Variants in CD8B2 observed in about 807,000 individuals in gnomAD.
CD8B2 encodes T-cell surface glycoprotein CD8 beta-2 chain.
A neutral mutation model predicts 23.7 loss-of-function variants in CD8B2; 11 were observed. The ratio of observed to expected loss-of-function variants is 0.46; its 90% CI spans 0.29 to 0.77. The LOEUF (loss-of-function observed/expected upper bound fraction) is 0.77. Among genes scored for constraint, CD8B2 ranks in the 30% least tolerant of loss-of-function variants. The pLI, the probability that CD8B2 is intolerant of heterozygous loss-of-function variation, is 0.09. For synonymous variants in CD8B2, 90 were observed against 109.3 expected, an observed-to-expected ratio of 0.82 and a Z score of 1.10; for missense variants, 197 against 270.5, an observed-to-expected ratio of 0.73 and a Z score of 1.91.
At chr2:106,536,030 C>CTTTTTTTT (rs869103310) in intron 5 of CD8B2, among the ~76,000 whole-genome samples, 70 of 123,882 alleles carry the variant, frequency 5.7e-4, no homozygotes, top group African/African-American at 2.0e-3. Context: ...GCCACACACA[C>CTTTTTTTT]TTTTTTTTTT....
At chr2:106,506,889 C>T in intron 5 of CD8B2, 39 bp from the exon 6 acceptor site, 2 of 1,591,836 alleles carry the variant, frequency 1.3e-6, no homozygotes, top group Non-Finnish European at 1.7e-6. Context: ...TATCGTTTGC[C>T]TGAAAATAAG....
At chr2:106,529,772 CA>C (rs1204424984) in intron 5 of CD8B2, among the ~76,000 whole-genome samples, 2 of 152,136 alleles carry the variant, frequency 1.3e-5, no homozygotes, top group Non-Finnish European at 2.9e-5. Context: ...TGAACAGGCT[CA>C]AAAGAAGATT....
chr2:106,501,667 G>A (rs1374710752), intron 3 of CD8B2, among the ~76,000 whole-genome samples: 2 of 152,268 alleles, frequency 1.3e-5, no homozygotes, highest in South Asian at 2.1e-4. Context: ...GGGCGACAGA[G>A]CGAGACTCTG....
At chr2:106,488,686 G>A (rs1344639233) in intron 1 of CD8B2, among the ~76,000 whole-genome samples, 2 of 152,204 alleles carry the variant, frequency 1.3e-5, no homozygotes, top group Non-Finnish European at 2.9e-5. Context: ...CTGGATCACT[G>A]TGTGACCTTG....
At position 106,496,158 on chromosome 2, in the gene CD8B2, G is replaced by T. The variant is rs1428609457; in HGVS notation, c.404-15G>T. On this transcript the variant is annotated splice_polypyrimidine_tract_variant and intron_variant, in intron 2 of 5. Transcript: ENST00000643224. The stretch of plus-strand genomic sequence containing the variant: ...TTCACTTGGCTAAGATATGTGTCTT[G>T]CTTTCTTTCTGTAGTTGATTTCCTT... 5.6e-5 allele frequency: 87 copies of T among 1,541,782 alleles called. No homozygotes were observed. The highest frequency in any genetic ancestry group is 6.8e-5 in the Non-Finnish European group (77 of 1,140,310).
chr2:106,519,393 T>C (rs1679783877), intron 5 of CD8B2, among the ~76,000 whole-genome samples: 1 of 152,222 alleles, frequency 6.6e-6, no homozygotes, highest in Admixed American at 6.5e-5. Flanking sequence ...CTTCTGAGTC[T>C]CAAACATTGG....
chr2:106,500,564 T>TAAATAAA (rs1194192057), intron 3 of CD8B2, among the ~76,000 whole-genome samples: 26 of 101,724 alleles, frequency 2.6e-4, no homozygotes, highest in Non-Finnish European at 5.3e-4. Flanking sequence ...AAATAAATAA[T>TAAATAAA]TAAAAAATAC....
At chr2:106,530,290 T>G (rs952356560) in intron 5 of CD8B2, among the ~76,000 whole-genome samples, 2 of 151,810 alleles carry the variant, frequency 1.3e-5, no homozygotes, top group African/African-American at 4.8e-5. Context: ...GCCTTGACAA[T>G]GAGCTACTTT....
chr2:106,538,450 T>G (rs1680124008), intron 5 of CD8B2, among the ~76,000 whole-genome samples: 1 of 152,212 alleles, frequency 6.6e-6, no homozygotes, highest in Admixed American at 6.5e-5. Context: ...TCATAAGATC[T>G]TAGGACTTGA....
intron 5 of CD8B2, among the ~76,000 whole-genome samples, chr2:106,538,401 G>T (rs546376478): frequency 6.6e-6 from 1 of 152,170 alleles, no homozygotes; most frequent in African/African-American, 2.4e-5. Flanking sequence ...CTCTTTACTT[G>T]TTCTTAAAAT....
chr2:106,533,714 C>T (rs1403478613), intron 5 of CD8B2, among the ~76,000 whole-genome samples: 2 of 152,142 alleles, frequency 1.3e-5, no homozygotes, highest in Admixed American at 1.3e-4. Context: ...GAAATGGAGA[C>T]CTTTTAGTTG....
rs1417072932 is a variant in CD8B2, at chr2:106,508,468, G to A, written c.*1528G>A. The A allele has an allele frequency of 3.9e-5, 6 of 152,120 alleles. No homozygotes were observed. Among genetic ancestry groups the A allele is most frequent in the Non-Finnish European group, 5.9e-5 (4 of 67,996 alleles). The allele number at this position is 152,120 out of a possible 1,614,324, so 9.4% of individuals were successfully genotyped here. On this transcript the variant is annotated 3_prime_UTR_variant, in exon 6 of 6. Transcript: ENST00000643224. ...AGAAAGGCATAGATGCAGTGTTACC[G>A]GAAGGAGGGCCTTGAGTGTAAGTTG...
chr2:106,487,450 C>G lies in CD8B2; in HGVS notation c.24C>G (p.Leu8=). The change falls in exon 1 of 6, where the codon CTC becomes CTG. Residue 8 remains leucine (L), a synonymous_variant. Coordinates refer to ENST00000643224, the MANE Select transcript of CD8B2 (RefSeq NM_001349727.2). ...CGATGCGGCCGCGGCTGTGGCTCCT[C>G]CTGGCCGCGCAGCTGACAGGTAAGG... is the stretch of plus-strand genomic sequence containing the variant. MRPRLWL[L]LAAQLTVLHG... The G allele has an allele frequency of 4.0e-6, 5 of 1,249,480 alleles. No homozygotes were observed. The highest frequency in any genetic ancestry group is 5.0e-6 in the Non-Finnish European group (5 of 998,766). 77.4% of individuals were successfully genotyped at this position (1,249,480 alleles called of 1,614,324 possible).
At chr2:106,524,760 T>A (rs1218965440) in intron 5 of CD8B2, among the ~76,000 whole-genome samples, 1 of 152,182 alleles carries the variant, frequency 6.6e-6, no homozygotes, top group Admixed American at 6.5e-5. Flanking sequence ...CTGCGCATTG[T>A]TATTTTTATT....
chr2:106,532,242 G>A (rs1361642605), intron 5 of CD8B2, among the ~76,000 whole-genome samples: 1 of 152,208 alleles, frequency 6.6e-6, no homozygotes, highest in African/African-American at 2.4e-5. Context: ...AGGATTCAAT[G>A]GCCATGACCT....
downstream of CD8B2, among the ~76,000 whole-genome samples, chr2:106,511,531 C>T (rs1679631378): frequency 1.3e-5 from 2 of 149,502 alleles, no homozygotes; most frequent in Admixed American, 1.4e-4. Flanking sequence ...GGGGGTCCTA[C>T]ACCACCCCCT....
rs1679547229 is a variant in CD8B2, at chr2:106,508,047, A to G, written c.*1107A>G. ...TTAGCCTTGACAGTTGGAGAAGGAA[A>G]AAGCAAGGAGAAAGTGCTGAGCAGG... On this transcript the variant is annotated 3_prime_UTR_variant, in exon 6 of 6. Coordinates refer to ENST00000643224, the MANE Select transcript of CD8B2 (RefSeq NM_001349727.2). The G allele has an allele frequency of 6.7e-6, 1 of 149,498 alleles. No individual in the cohort carries two copies. The highest frequency in any genetic ancestry group is 1.5e-5 in the Non-Finnish European group (1 of 67,474). The allele number at this position is 149,498 out of a possible 1,614,324, so 9.3% of individuals were successfully genotyped here. A position where few individuals can be genotyped will look rare whatever the true frequency, so the allele number is the denominator to read the frequency against.
At chr2:106,515,787 T>C (rs1679720666), downstream of CD8B2, among the ~76,000 whole-genome samples, 1 of 151,660 alleles carries the variant, frequency 6.6e-6, no homozygotes, top group Non-Finnish European at 1.5e-5. Flanking sequence ...TCTGAACACA[T>C]CTCCTTCCAG....
chr2:106,532,998 A>C (rs1258665992), intron 5 of CD8B2, among the ~76,000 whole-genome samples: 3 of 152,206 alleles, frequency 2.0e-5, no homozygotes, highest in African/African-American at 7.2e-5. Context: ...CCAGAGAATA[A>C]GCTGCTGAAC....
Sources: gnomAD v4.1 joint callset for allele counts (sites outside exome capture counted in the v4.1 genomes callset) on GRCh38, gnomAD v4.1.1 for gene constraint, MANE v1.5 for transcripts, NCBI Gene and HGNC (gene_info 2026-07-23, HGNC 2026-07-21) for gene names.